The following LINGO2 variants were observed in gnomAD, a reference collection of about 807,000 sequenced individuals.
LINGO2 encodes leucine-rich repeat and immunoglobulin-like domain-containing nogo receptor-interacting protein 2.
A neutral mutation model predicts 30.6 loss-of-function variants in LINGO2; 14 were observed. The ratio of observed to expected loss-of-function variants is 0.46; its 90% CI spans 0.30 to 0.72. The LOEUF is 0.72. Ranked by LOEUF, LINGO2 falls within the 30% of genes least tolerant of loss-of-function variation. The pLI is 0.07. For missense variants in LINGO2, 729 were observed against 751.7 expected (o/e 0.97, Z 0.35); for synonymous variants, 317 against 288.5 (o/e 1.10, Z -1.00).
intron 4 of LINGO2, among the ~76,000 whole-genome samples, chr9:28,107,726 T>C (rs1826639030): frequency 1.3e-5 from 2 of 152,104 alleles, no homozygotes. Flanking sequence ...ACCAATACAA[T>C]TTCAAATGGA....
the LINGO2 span, among the ~76,000 whole-genome samples, chr9:29,030,416 C>T: frequency 6.6e-6 from 1 of 152,098 alleles, no homozygotes; most frequent in Non-Finnish European, 1.5e-5. Context: ...ATTCAAATTT[C>T]ACCTGTTGTC....
the LINGO2 span, among the ~76,000 whole-genome samples, chr9:29,056,747 C>G: frequency 6.6e-6 from 1 of 152,152 alleles, no homozygotes; most frequent in Non-Finnish European, 1.5e-5. Flanking sequence ...TTTGATCCAT[C>G]TTGAATTAAT....
chr9:28,941,869 G>A, the LINGO2 span, among the ~76,000 whole-genome samples: 2 of 152,158 alleles, frequency 1.3e-5, no homozygotes, highest in African/African-American at 4.8e-5. Context: ...ATGGAGAAAA[G>A]CTTGATCAAG....
chr9:28,885,348 GATAT>G, the LINGO2 span, among the ~76,000 whole-genome samples: 3 of 45,146 alleles, frequency 6.6e-5, no homozygotes, highest in Non-Finnish European at 1.6e-4. Flanking sequence ...GCAGCAGGGA[GATAT>G]ATATATATAC....
At chr9:28,665,038 T>TATATATA (rs1828743794) in intron 1 of LINGO2, among the ~76,000 whole-genome samples, 1 of 127,510 alleles carries the variant, frequency 7.8e-6, no homozygotes, top group Non-Finnish European at 1.7e-5. Context: ...TATATATATA[T>TATATATA]GTTATAAGCG....
At chr9:28,513,858 A>G (rs571592540) in intron 1 of LINGO2, among the ~76,000 whole-genome samples, 2 of 152,352 alleles carry the variant, frequency 1.3e-5, no homozygotes, top group East Asian at 3.9e-4. Flanking sequence ...ATAGAGGTAC[A>G]TATCTTTTTA....
chr9:28,980,786 C>A, the LINGO2 span, among the ~76,000 whole-genome samples: 2 of 151,722 alleles, frequency 1.3e-5, no homozygotes, highest in East Asian at 3.9e-4. Flanking sequence ...TTGTTTATTA[C>A]CATCTGGCAT....
chr9:28,994,928 C>A, the LINGO2 span, among the ~76,000 whole-genome samples: 1 of 152,094 alleles, frequency 6.6e-6, no homozygotes, highest in South Asian at 2.1e-4. Flanking sequence ...AGAAGAAAAC[C>A]TAGACAGTAC....
intron 3 of LINGO2, among the ~76,000 whole-genome samples, chr9:28,314,089 C>T (rs1824739620): frequency 6.6e-6 from 1 of 152,172 alleles, no homozygotes. Context: ...CGCCCACCAC[C>T]TCGCCCGGCT....
intron 2 of LINGO2, among the ~76,000 whole-genome samples, chr9:28,437,418 C>T (rs759806048): frequency 1.7e-4 from 26 of 152,088 alleles, no homozygotes; most frequent in Non-Finnish European, 3.5e-4. Flanking sequence ...TGGCCGCAGA[C>T]ATGTTACTGG....
At chr9:28,208,720 T>C (rs1288881690) in intron 4 of LINGO2, among the ~76,000 whole-genome samples, 1 of 151,972 alleles carries the variant, frequency 6.6e-6, no homozygotes, top group Non-Finnish European at 1.5e-5. Flanking sequence ...TGAACAATAC[T>C]CTAGTTTTCA....
intron 1 of LINGO2, among the ~76,000 whole-genome samples, chr9:28,522,186 C>T (rs1475141209): frequency 6.6e-6 from 1 of 152,114 alleles, no homozygotes; most frequent in Non-Finnish European, 1.5e-5. Context: ...CAGTGGCAAG[C>T]TTAGAAATCA....
At chr9:28,717,287 G>A in the LINGO2 span, among the ~76,000 whole-genome samples, 1 of 150,122 alleles carries the variant, frequency 6.7e-6, no homozygotes, top group Admixed American at 6.6e-5. Context: ...CAAACTAGGG[G>A]AAAGTTACAA....
chr9:28,195,372 T>A (rs868727386), intron 4 of LINGO2, among the ~76,000 whole-genome samples: 1 of 125,106 alleles, frequency 8.0e-6, no homozygotes, highest in African/African-American at 2.9e-5. Flanking sequence ...TGCCTTTAAA[T>A]AACAAGATGG....
the LINGO2 span, among the ~76,000 whole-genome samples, chr9:29,077,201 G>A: frequency 6.6e-6 from 1 of 151,874 alleles, no homozygotes; most frequent in East Asian, 1.9e-4. Flanking sequence ...GGGAAAAAAT[G>A]TTGGCATTAA....
chr9:28,688,999 CTGAG>C, the LINGO2 span, among the ~76,000 whole-genome samples: 9 of 152,176 alleles, frequency 5.9e-5, no homozygotes, highest in African/African-American at 1.2e-4. Flanking sequence ...TCCCTTGATC[CTGAG>C]TGAGTATGTG....
At chr9:28,702,679 T>C in the LINGO2 span, among the ~76,000 whole-genome samples, 11 of 151,904 alleles carry the variant, frequency 7.2e-5, no homozygotes. Flanking sequence ...TTCCTTCACT[T>C]TTATTTTCTG....
chr9:28,520,821 T>C (rs1451367967), intron 1 of LINGO2, among the ~76,000 whole-genome samples: 4 of 152,206 alleles, frequency 2.6e-5, no homozygotes. Context: ...TACAATAATT[T>C]TTCAACTTTT....
At chr9:28,545,442 G>C (rs568351699) in intron 1 of LINGO2, among the ~76,000 whole-genome samples, 1 of 152,040 alleles carries the variant, frequency 6.6e-6, no homozygotes, top group Non-Finnish European at 1.5e-5. Flanking sequence ...ACTTATGAAA[G>C]AGAGCAAAGG....
Sources: allele counts gnomAD v4.1 joint callset (sites outside exome capture counted in the v4.1 genomes callset), GRCh38; gene constraint gnomAD v4.1.1; transcripts MANE v1.5; gene names NCBI Gene and HGNC (gene_info 2026-07-23, HGNC 2026-07-21).